IQGAP2: variants seen among roughly 807,000 people sequenced by gnomAD.
IQGAP2 encodes ras GTPase-activating-like protein IQGAP2.
In IQGAP2, 173 loss-of-function variants were observed where a neutral mutation model predicts 201.3. That is an observed-to-expected ratio of 0.86 (90% CI 0.76 to 0.98). IQGAP2 has a LOEUF of 0.98. IQGAP2 is among the 50% of genes least tolerant of loss of function. The probability of loss-of-function intolerance (pLI) is 0.00; values close to 1 mark genes in which losing one functional copy is unlikely to be tolerated. For synonymous variants in IQGAP2, 675 were observed against 673.9 expected, an observed-to-expected ratio of 1.00 and a Z score of -0.03; for missense variants, 1,687 against 1,864.8, an observed-to-expected ratio of 0.90 and a Z score of 1.76.
At chr5:76,509,229 C>T (rs1757806616) in intron 2 of IQGAP2, among the ~76,000 whole-genome samples, 1 of 152,066 alleles carries the variant, frequency 6.6e-6, no homozygotes, top group African/African-American at 2.4e-5. Flanking sequence ...TCTAGCCAGC[C>T]AATGGGAGTG....
intron 1 of IQGAP2, among the ~76,000 whole-genome samples, chr5:76,440,007 T>G (rs1752940263): frequency 6.6e-6 from 1 of 152,262 alleles, no homozygotes; most frequent in African/African-American, 2.4e-5. Flanking sequence ...TGTTTCAAGA[T>G]TTATAACTCC....
chr5:76,649,893 C>T lies in IQGAP2; in HGVS notation c.2095-2857C>T, dbSNP rs76361280. 8.2e-3 allele frequency among the ~76,000 whole-genome samples: 1,243 copies of T among 152,328 alleles called. 14 individuals carry two copies. Among genetic ancestry groups the T allele is most frequent in the African/African-American group, 0.028 (1,160 of 41,576 alleles). On this transcript the variant is annotated intron_variant, in intron 17 of 35. Transcript: ENST00000274364. ...AATCTAGGCAGAGGCTCCCAAACCT[C>T]GACTTTTGCATTCTATGCACCCACA...
intron 2 of IQGAP2, among the ~76,000 whole-genome samples, chr5:76,478,781 A>T (rs576095989): frequency 6.6e-6 from 1 of 152,262 alleles, no homozygotes; most frequent in African/African-American, 2.4e-5. Context: ...GCACTCTGTG[A>T]TGTTTGCGCA....
At chr5:76,596,053 G>A (rs1747012795) in intron 9 of IQGAP2, among the ~76,000 whole-genome samples, 1 of 152,174 alleles carries the variant, frequency 6.6e-6, no homozygotes, top group Admixed American at 6.5e-5. Context: ...TAGGTTAAGT[G>A]TGAGTTTTCT....
In IQGAP2 at chr5:76,510,586, A is replaced by G. The variant is rs114266384; in HGVS notation, c.146+48917A>G. The G allele has an allele frequency of 1.3e-3, 634 of 486,678 alleles. 2 individuals carry two copies. Among genetic ancestry groups the G allele is most frequent in the African/African-American group, 0.011 (580 of 50,548 alleles). 30.1% of individuals were successfully genotyped at this position (486,678 alleles called of 1,614,324 possible). ...TCATGGACACGATCTGGAAGGACCC[A>G]GACAGTGTGCCATCGATGTCCTCTA... On this transcript the variant is annotated intron_variant, in intron 2 of 35. Coordinates refer to ENST00000274364, the MANE Select transcript of IQGAP2 (RefSeq NM_006633.5).
intron 25 of IQGAP2, 47 bp downstream of exon 25, chr5:76,673,636 T>G: frequency 6.3e-7 from 1 of 1,592,894 alleles, no homozygotes; most frequent in Non-Finnish European, 8.6e-7. Context: ...TGGAACGTTC[T>G]TGGAATACGA....
chr5:76,601,570 A>G (rs749071071), intron 11 of IQGAP2, among the ~76,000 whole-genome samples: 1 of 152,260 alleles, frequency 6.6e-6, no homozygotes, highest in Non-Finnish European at 1.5e-5. Context: ...AGAGAAAATC[A>G]AATGGCCAGA....
At chr5:76,462,862 A>G (rs984910805) in intron 2 of IQGAP2, among the ~76,000 whole-genome samples, 1 of 152,220 alleles carries the variant, frequency 6.6e-6, no homozygotes, top group Non-Finnish European at 1.5e-5. Flanking sequence ...AGATTGTTTA[A>G]CATGTCTGTG....
At chr5:76,707,092 G>GGTGGGTGGGTCTAACAAT in intron 35 of IQGAP2, 108 bp from the exon 36 acceptor site, 4 of 664,588 alleles carry the variant, frequency 6.0e-6, no homozygotes, top group Admixed American at 4.8e-5. Flanking sequence ...CCCCACCCAG[G>GGTGGGTGGGTCTAACAAT]TGATTAGGTC....
At chr5:76,521,030 T>A (rs1378233716) in intron 2 of IQGAP2, among the ~76,000 whole-genome samples, 8 of 152,184 alleles carry the variant, frequency 5.3e-5, no homozygotes, top group Admixed American at 5.2e-4. Context: ...TTATCTAGAT[T>A]GTCTCTGACT....
chr5:76,486,824 G>A lies in IQGAP2; in HGVS notation c.146+25155G>A, dbSNP rs1242906804. Among the ~76,000 whole-genome samples, 6 of 152,222 alleles carry A rather than the reference G, an allele frequency of 3.9e-5. No individual in the cohort carries two copies. The East Asian group carries it at 1.2e-3, about 29-fold the overall frequency. On this transcript the variant is annotated intron_variant, in intron 2 of 35. Transcript: ENST00000274364. The stretch of plus-strand genomic sequence containing the variant: ...CACTGTAGCCACCATTACAAGCTCA[G>A]TTATAAGTAATAAGTGAACTGTTTC...
intron 17 of IQGAP2, among the ~76,000 whole-genome samples, chr5:76,648,912 G>A (rs528249876): frequency 2.0e-5 from 3 of 152,288 alleles, no homozygotes; most frequent in Non-Finnish European, 4.4e-5. Flanking sequence ...AGGGATCAGT[G>A]GGATTATAAC....
intron 30 of IQGAP2, chr5:76,691,542 T>C (rs938632170): frequency 6.6e-6 from 1 of 152,190 alleles, no homozygotes; most frequent in African/African-American, 2.4e-5. Context: ...AAAGGATACA[T>C]TGCTTTCTCA....
rs183602128 is a variant in IQGAP2, at chr5:76,473,125, A to G, written c.146+11456A>G. Among the ~76,000 whole-genome samples, 6 of 152,350 alleles carry G rather than the reference A, an allele frequency of 3.9e-5. No individual in the cohort carries two copies. The East Asian group carries it at 1.2e-3, about 29-fold the overall frequency. On this transcript the variant is annotated intron_variant, in intron 2 of 35. Coordinates refer to ENST00000274364, the MANE Select transcript of IQGAP2 (RefSeq NM_006633.5). ...CTTTCTGACTTCAAAGACTGTGCTT[A>G]AAAACTATAACATACTGTCCCATTT...
chr5:76,412,307 T>G (rs1373642397), intron 1 of IQGAP2, among the ~76,000 whole-genome samples: 1 of 152,202 alleles, frequency 6.6e-6, no homozygotes, highest in African/African-American at 2.4e-5. Flanking sequence ...ATTTTAATTT[T>G]TTTAAAAATT....
chr5:76,427,525 T>G (rs1345840967), intron 1 of IQGAP2, among the ~76,000 whole-genome samples: 1 of 152,200 alleles, frequency 6.6e-6, no homozygotes, highest in East Asian at 1.9e-4. Context: ...CTTAAAACTA[T>G]TTTTTCAAAA....
At chr5:76,477,476 C>G (rs568313858) in intron 2 of IQGAP2, among the ~76,000 whole-genome samples, 1 of 152,274 alleles carries the variant, frequency 6.6e-6, no homozygotes, top group Non-Finnish European at 1.5e-5. Flanking sequence ...AATTCCCAAT[C>G]AAAGCATTAC....
Position 76,665,022 on chromosome 5 carries a change from A to G in IQGAP2, c.2530-4A>G. On this transcript the variant is annotated splice_polypyrimidine_tract_variant and splice_region_variant and intron_variant, in intron 21 of 35. Coordinates refer to ENST00000274364, the MANE Select transcript of IQGAP2 (RefSeq NM_006633.5). ...AAGGAGTAATCTCATCAAATTTTTT[A>G]CAGGATGTAATTTCACATAGTAAAA... 1.3e-6 allele frequency: 2 copies of G among 1,498,886 alleles called. No individual in the cohort carries two copies. The highest frequency in any genetic ancestry group is 2.3e-5 in the East Asian group (1 of 44,222). The allele number at this position is 1,498,886 out of a possible 1,614,324, so 92.8% of individuals were successfully genotyped here.
At chr5:76,564,347 T>C (rs569517336) in intron 3 of IQGAP2, among the ~76,000 whole-genome samples, 14 of 152,312 alleles carry the variant, frequency 9.2e-5, no homozygotes, top group African/African-American at 3.4e-4. Context: ...CCAACACGTA[T>C]GTAGATTTGA....
Sources: gnomAD v4.1 joint callset for allele counts (sites outside exome capture counted in the v4.1 genomes callset) on GRCh38, gnomAD v4.1.1 for gene constraint, MANE v1.5 for transcripts, NCBI Gene and HGNC (gene_info 2026-07-23, HGNC 2026-07-21) for gene names.